The following STMN4 variants were observed in gnomAD, a reference collection of about 807,000 sequenced individuals.
STMN4 encodes stathmin-4.
A neutral mutation model predicts 29.1 loss-of-function variants in STMN4; 12 were observed. That is an observed-to-expected ratio of 0.41 (90% CI 0.26 to 0.67). STMN4 has a LOEUF of 0.67. STMN4 is among the 30% of genes least tolerant of loss of function. STMN4 has a pLI of 0.30. For synonymous variants in STMN4, 114 were observed against 105.3 expected (o/e 1.08, Z -0.51); for missense variants, 181 against 262.8 (o/e 0.69, Z 2.15).
intron 1 of STMN4, among the ~76,000 whole-genome samples, chr8:27,246,404 G>A (rs564726252): frequency 4.6e-5 from 7 of 152,184 alleles, no homozygotes; most frequent in African/African-American, 1.7e-4. Flanking sequence ...TAATAGCCTC[G>A]TAAGGCAGGA....
At chr8:27,258,224 ATGAT>A (rs1283771190) in intron 1 of STMN4, 123 bp downstream of exon 1, 1 of 152,204 alleles carries the variant, frequency 6.6e-6, no homozygotes, top group Non-Finnish European at 1.5e-5. Flanking sequence ...CAAAGTTTAA[ATGAT>A]TGAGTAGAAC....
chr8:27,246,735 G>A lies in STMN4; in HGVS notation c.-78-2934C>T, dbSNP rs781722877. On this transcript the variant is annotated intron_variant, in intron 1 of 6. Coordinates refer to ENST00000350889, the MANE Select transcript of STMN4 (RefSeq NM_030795.4). The stretch of plus-strand genomic sequence containing the variant: ...CACAAGCCAAGGAACCTTTGGGGCC[G>A]CCAGAACCTGCAAGAGACAAGGACA... Among the ~76,000 whole-genome samples, 25 of 152,144 alleles carry A rather than the reference G, an allele frequency of 1.6e-4. 1 individual carries two copies. The highest frequency in any genetic ancestry group is 3.9e-4 in the East Asian group (2 of 5,180).
intron 5 of STMN4, 56 bp from the exon 6 acceptor site, chr8:27,240,218 T>C: frequency 1.3e-6 from 2 of 1,564,916 alleles, no homozygotes; most frequent in Non-Finnish European, 1.7e-6. Flanking sequence ...CCAGGGTTTA[T>C]TTTCACCATC....
chr8:27,250,695 C>G (rs559753495), intron 1 of STMN4, among the ~76,000 whole-genome samples: 1 of 152,246 alleles, frequency 6.6e-6, no homozygotes, highest in South Asian at 2.1e-4. Context: ...GCTCTTGCTT[C>G]CAACAGCATC....
chr8:27,243,621 A>G, intron 2 of STMN4, 90 bp downstream of exon 2: 1 of 1,392,270 alleles, frequency 7.2e-7, no homozygotes, highest in Admixed American at 1.7e-5. Flanking sequence ...GCTTCCTGCC[A>G]GCTGTGTTCT....
chr8:27,238,010 A>AG (rs752727399), intron 6 of STMN4, among the ~76,000 whole-genome samples: 16 of 152,264 alleles, frequency 1.1e-4, no homozygotes, highest in Admixed American at 2.6e-4. Flanking sequence ...AGACCCACGG[A>AG]GGCCCCCAGG....
chr8:27,256,773 C>A (rs11778421), intron 1 of STMN4, among the ~76,000 whole-genome samples: 3 of 152,132 alleles, frequency 2.0e-5, no homozygotes, highest in Non-Finnish European at 1.5e-5. Context: ...GGGTCTCAGC[C>A]TTCAGTTAAA....
At chr8:27,241,633 T>C (rs1383198404) in intron 4 of STMN4, 44 bp downstream of exon 4, 1 of 1,591,276 alleles carries the variant, frequency 6.3e-7, no homozygotes, top group Non-Finnish European at 8.6e-7. Context: ...CCACAGCCCA[T>C]CTGACGCTCG....
chr8:27,251,843 G>A (rs1363009272), intron 1 of STMN4, among the ~76,000 whole-genome samples: 1 of 149,928 alleles, frequency 6.7e-6, no homozygotes. Context: ...AAGTTTTAGG[G>A]TACGTGTGCA....
chr8:27,244,282 G>A (rs997761479), intron 1 of STMN4, among the ~76,000 whole-genome samples: 2 of 152,182 alleles, frequency 1.3e-5, no homozygotes, highest in Non-Finnish European at 2.9e-5. Context: ...TTGGACATAG[G>A]ATGTTAACAG....
intron 6 of STMN4, among the ~76,000 whole-genome samples, chr8:27,237,322 A>T (rs1801338833): frequency 6.6e-6 from 1 of 152,236 alleles, no homozygotes; most frequent in Admixed American, 6.5e-5. Context: ...TACAAATCAC[A>T]TGCACCTGCC....
intron 1 of STMN4, among the ~76,000 whole-genome samples, chr8:27,251,796 A>G (rs1482381629): frequency 1.3e-5 from 1 of 76,418 alleles, no homozygotes; most frequent in Non-Finnish European, 2.6e-5. Context: ...CTTTTTTGCC[A>G]TCTTTTTTTT....
intron 1 of STMN4, among the ~76,000 whole-genome samples, chr8:27,257,059 T>A (rs535384547): frequency 8.5e-5 from 13 of 152,238 alleles, no homozygotes; most frequent in African/African-American, 2.9e-4. Flanking sequence ...GTACAGCTCC[T>A]AGCAGCAAAG....
At chr8:27,241,640 C>A in intron 4 of STMN4, 37 bp downstream of exon 4, 1 of 1,612,812 alleles carries the variant, frequency 6.2e-7, no homozygotes. Flanking sequence ...CCATCTGACG[C>A]TCGGCCTGCG....
At chr8:27,250,966 C>A (rs142652216) in intron 1 of STMN4, among the ~76,000 whole-genome samples, 1 of 152,076 alleles carries the variant, frequency 6.6e-6, no homozygotes, top group Non-Finnish European at 1.5e-5. Flanking sequence ...TATGCAGAAG[C>A]GGCTGAGTGC....
chr8:27,238,060 G>A (rs1801360030), intron 6 of STMN4, among the ~76,000 whole-genome samples: 1 of 152,174 alleles, frequency 6.6e-6, no homozygotes, highest in African/African-American at 2.4e-5. Context: ...TGTCCCTGCA[G>A]ACACCCTAGA....
In STMN4 at chr8:27,258,378, C is replaced by G. The variant is rs1002525819; in HGVS notation, c.-106G>C. 6.6e-6 allele frequency: 1 copy of G among 152,272 alleles called. No homozygotes were observed. Among genetic ancestry groups the G allele is most frequent in the Non-Finnish European group, 1.5e-5 (1 of 68,062 alleles). The allele number at this position is 152,272 out of a possible 1,614,324, so 9.4% of individuals were successfully genotyped here. A position where few individuals can be genotyped will look rare whatever the true frequency, so the allele number is the denominator to read the frequency against. On this transcript the variant is annotated 5_prime_UTR_variant, in exon 1 of 7. Transcript: ENST00000350889. ...GCAGTCCAGTTAGAAGCGAGCTGCT[C>G]TCTTCCTCACTCCCTCAATTAGTGG... is the stretch of plus-strand genomic sequence containing the variant.
intron 6 of STMN4, 143 bp downstream of exon 6, chr8:27,239,828 C>G (rs1339233921): frequency 6.5e-7 from 1 of 1,549,526 alleles, no homozygotes; most frequent in Non-Finnish European, 8.7e-7. Context: ...TCGGAACTCT[C>G]TAAAGATCCT....
At chr8:27,239,236 G>A in intron 6 of STMN4, 1 of 1,535,602 alleles carries the variant, frequency 6.5e-7, no homozygotes, top group South Asian at 1.2e-5. Flanking sequence ...CATGGGACGA[G>A]GCCACCGATC....
Sources: allele counts gnomAD v4.1 joint callset (sites outside exome capture counted in the v4.1 genomes callset), GRCh38; gene constraint gnomAD v4.1.1; transcripts MANE v1.5; gene names NCBI Gene and HGNC (gene_info 2026-07-23, HGNC 2026-07-21).